The following MOV10 variants were observed in gnomAD, a reference collection of about 807,000 sequenced individuals.
MOV10 encodes RNA helicase MOV-10.
Under a neutral mutation model 108.4 loss-of-function variants are expected in MOV10, and 39 were observed. The ratio of observed to expected loss-of-function variants is 0.36; its 90% CI spans 0.28 to 0.47. The LOEUF is 0.47. Ranked by LOEUF, MOV10 falls within the 20% of genes least tolerant of loss-of-function variation. MOV10 has a pLI of 1.00. For missense variants in MOV10, 952 were observed against 1,297.6 expected (o/e 0.73, Z 4.09); for synonymous variants, 490 against 523.1 (o/e 0.94, Z 0.86).
At position 112,690,061 on chromosome 1, in the gene MOV10, G is replaced by T; in HGVS notation, c.799G>T (p.Val267Leu). 1 of 1,614,024 alleles carries T rather than the reference G, an allele frequency of 6.2e-7. No individual in the cohort carries two copies. Among genetic ancestry groups the T allele is most frequent in the Non-Finnish European group, 8.5e-7 (1 of 1,180,036 alleles). ...KRTRITGNPVVTNRIEEGERP... is the reference protein window; with the variant it reads ...KRTRITGNPVLTNRIEEGERP... ...GACCCGGATCACCGGAAACCCTGTG[G>T]TGACCAATCGGATAGAGGAAGGAGA... Residue 267 changes from valine to leucine, a missense_variant, in exon 5 of 21, where the codon GTG becomes TTG. Physicochemically the swap from Val to Leu is conservative, Grantham distance 32 (BLOSUM62 1). Around this residue, in one of 5 missense-constraint regions of MOV10, gnomAD observed 374 missense variants for 468.6 expected, o/e 0.80. Coordinates refer to ENST00000369645, the MANE Select transcript of MOV10 (RefSeq NM_001321324.2).
In MOV10 at chr1:112,674,935, G is replaced by C. The variant is rs201021656; in HGVS notation, c.23G>C (p.Arg8Pro). The change falls in exon 2 of 21, where the codon CGG (arginine) becomes CCG (proline). Residue 8 changes from arginine to proline, a missense_variant. Arg to Pro is a moderately radical substitution (Grantham distance 103). Transcript: ENST00000369645. ...GCGATGCCCAGTAAGTTCAGCTGCC[G>C]GCAGCTCCGGGAGGCGGGCCAGTGT... MPSKFSC[R>P]QLREAGQCFE... 77 of 1,583,642 alleles carry C rather than the reference G, an allele frequency of 4.9e-5. 1 individual carries two copies. In the South Asian group the frequency reaches 7.5e-4, roughly 15 times the overall value.
Position 112,700,401 on chromosome 1 carries a change from T to C in MOV10, c.2921-15T>C, listed in dbSNP as rs1476712027. On this transcript the variant is annotated splice_polypyrimidine_tract_variant and intron_variant, in intron 20 of 20. Transcript: ENST00000369645. Reference sequence around the variant, plus strand: ...AGGTGGTAAGGAAGACACAGTGTACTTTCTCTCTTTCCAGGGCCCCACAGC... The same window carrying C: ...AGGTGGTAAGGAAGACACAGTGTACCTTCTCTCTTTCCAGGGCCCCACAGC... 6.2e-7 allele frequency: 1 copy of C among 1,613,624 alleles called. No individual in the cohort carries two copies. Among genetic ancestry groups the C allele is most frequent in the Non-Finnish European group, 8.5e-7 (1 of 1,179,726 alleles).
At position 112,688,577 on chromosome 1, in the gene MOV10, C is replaced by G. The variant is rs1048145172; in HGVS notation, c.138-358C>G. On this transcript the variant is annotated intron_variant, in intron 2 of 20. Transcript: ENST00000369645. ...CTTTCTTCTGGGTTGTTTGTATTTT[C>G]TTTTCTGTCCCAAACAGTTTCCCCC... 6.9e-6 allele frequency: 8 copies of G among 1,160,906 alleles called. No homozygotes were observed. The African/African-American group carries it at 1.3e-4, about 18-fold the overall frequency. 71.9% of individuals were successfully genotyped at this position (1,160,906 alleles called of 1,614,324 possible). A position where few individuals can be genotyped will look rare whatever the true frequency, so the allele number is the denominator to read the frequency against.
chr1:112,679,820 G>T (rs1327212418), intron 2 of MOV10, among the ~76,000 whole-genome samples: 1 of 152,094 alleles, frequency 6.6e-6, no homozygotes, highest in African/African-American at 2.4e-5. Context: ...TCTGATGTTA[G>T]AGCTTTGGGA....
At position 112,689,668 on chromosome 1, in the gene MOV10, G is replaced by A. The variant is rs1673402694; in HGVS notation, c.577+18G>A. 2 of 1,611,122 alleles carry A rather than the reference G, an allele frequency of 1.2e-6. No individual in the cohort carries two copies. Among genetic ancestry groups the A allele is most frequent in the South Asian group, 2.2e-5 (2 of 91,012 alleles). ...GGGCCCCGGTGAGTGAGTTTCCAAA[G>A]GAAAGAGCTGGTGGACAGGGGCTTG... On this transcript the variant is annotated intron_variant, in intron 4 of 20. Transcript: ENST00000369645.
chr1:112,687,417 A>C (rs1348062033), intron 2 of MOV10, among the ~76,000 whole-genome samples: 1 of 152,214 alleles, frequency 6.6e-6, no homozygotes, highest in East Asian at 1.9e-4. Flanking sequence ...GTTAAATAGG[A>C]ATTACCATAG....
intron 2 of MOV10, 199 bp from the exon 3 acceptor site, chr1:112,688,736 T>G: frequency 1.4e-6 from 2 of 1,434,854 alleles, no homozygotes; most frequent in Non-Finnish European, 1.8e-6. Flanking sequence ...CCTTGGGAAG[T>G]CCCATTGCCT....
chr1:112,696,428 A>G lies in MOV10; in HGVS notation c.1884-9A>G, dbSNP rs915131547. ...GGATATGACCCCTGCCTGGCCTGAC[A>G]CCTCCCAGGTTGGTCTCGGCCCAGT... On this transcript the variant is annotated splice_polypyrimidine_tract_variant and intron_variant, in intron 12 of 20. Transcript: ENST00000369645. The G allele has an allele frequency of 1.2e-6, 2 of 1,607,588 alleles. No homozygotes were observed. Among genetic ancestry groups the G allele is most frequent in the Admixed American group, 1.7e-5 (1 of 59,978 alleles).
At chr1:112,687,087 G>A (rs1014274951) in intron 2 of MOV10, 2 of 454,080 alleles carry the variant, frequency 4.4e-6, no homozygotes, top group East Asian at 7.0e-5. Context: ...CCACAGTGTA[G>A]CCTCTGACGT....
chr1:112,694,525 C>A lies in MOV10; in HGVS notation c.1368C>A (p.Val456=). ...CCTTCAACCGCCAGCCGCTGCGAGTCCAGCACCGTGCCCTGGAGCTGACAG... is the reference window on the plus strand; with the variant it reads ...CCTTCAACCGCCAGCCGCTGCGAGTACAGCACCGTGCCCTGGAGCTGACAG... The part of the protein sequence containing the change: ...NFTFNRQPLR[V]QHRALELTGR... Residue 456 remains valine (V), a synonymous_variant, in exon 9 of 21, where the codon GTC becomes GTA. Coordinates refer to ENST00000369645, the MANE Select transcript of MOV10 (RefSeq NM_001321324.2). The surrounding 1 kb of genome is among the most constrained non-coding windows in gnomAD (Gnocchi z 4.1). 1.2e-6 allele frequency: 2 copies of A among 1,614,158 alleles called. No homozygotes were observed. Among genetic ancestry groups the A allele is most frequent in the Non-Finnish European group, 1.7e-6 (2 of 1,180,030 alleles).
intron 2 of MOV10, among the ~76,000 whole-genome samples, chr1:112,679,827 G>T (rs886735900): frequency 1.3e-5 from 2 of 152,048 alleles, no homozygotes; most frequent in African/African-American, 4.8e-5. Context: ...TTAGAGCTTT[G>T]GGAAAAGGGC....
chr1:112,694,671 T>C lies in MOV10; in HGVS notation c.1472+42T>C, dbSNP rs1284660299. 6.3e-7 allele frequency: 1 copy of C among 1,591,974 alleles called. No individual in the cohort carries two copies. The highest frequency in any genetic ancestry group is 1.1e-5 in the South Asian group (1 of 87,576). On this transcript the variant is annotated intron_variant, in intron 9 of 20. Coordinates refer to ENST00000369645, the MANE Select transcript of MOV10 (RefSeq NM_001321324.2). The surrounding 1 kb of genome is among the most constrained non-coding windows in gnomAD (Gnocchi z 4.1). ...GGAGCTTCTGGAGCCACTTGGAGTGTGGGCACAGGGGGTGGAGTCAGGGAG... is the reference window on the plus strand; with the variant it reads ...GGAGCTTCTGGAGCCACTTGGAGTGCGGGCACAGGGGGTGGAGTCAGGGAG...
chr1:112,682,946 G>C (rs1209200067), intron 2 of MOV10, among the ~76,000 whole-genome samples: 2 of 144,272 alleles, frequency 1.4e-5, no homozygotes, highest in African/African-American at 5.1e-5. Context: ...TTGAGACGGA[G>C]TCTTGCTCTG....
intron 2 of MOV10, 144 bp from the exon 3 acceptor site, chr1:112,688,790 TC>T: frequency 6.7e-7 from 1 of 1,481,776 alleles, no homozygotes; most frequent in African/African-American, 1.4e-5. Context: ...AGCCTGAGTC[TC>T]TCTGTCTCTG....
At chr1:112,679,702 TAAAA>T (rs1379416963) in intron 2 of MOV10, among the ~76,000 whole-genome samples, 2 of 151,960 alleles carry the variant, frequency 1.3e-5, no homozygotes, top group Non-Finnish European at 2.9e-5. Flanking sequence ...AAATGACTAA[TAAAA>T]GAAGGAAAGA....
At chr1:112,689,377 T>TGCCCC in intron 3 of MOV10, 38 bp from the exon 4 acceptor site, 3 of 792,814 alleles carry the variant, frequency 3.8e-6, no homozygotes, top group African/African-American at 1.7e-5. Context: ...GTCAGACCGC[T>TGCCCC]CCCACCCCAA....
At chr1:112,692,961 G>C in intron 7 of MOV10, 32 bp downstream of exon 7, 1 of 1,581,388 alleles carries the variant, frequency 6.3e-7, no homozygotes. Flanking sequence ...GAGGAGGGTG[G>C]GCTCAAGCCA....
intron 17 of MOV10, chr1:112,699,048 G>A (rs1674376896): frequency 2.1e-6 from 1 of 480,830 alleles, no homozygotes. Flanking sequence ...TCTGCCCTAA[G>A]GATAAAGTCC....
intron 2 of MOV10, among the ~76,000 whole-genome samples, chr1:112,679,269 T>C (rs962904113): frequency 3.3e-5 from 5 of 152,020 alleles, no homozygotes; most frequent in African/African-American, 4.8e-5. Context: ...AGGGGCACAG[T>C]GATACAAGTA....
Sources: gnomAD v4.1 joint callset for allele counts (sites outside exome capture counted in the v4.1 genomes callset) on GRCh38, gnomAD v4.1.1 for gene constraint, gnomAD v4.1.1 regional missense constraint, Gnocchi (gnomAD v3.1) non-coding constraint, MANE v1.5 for transcripts, NCBI Gene and HGNC (gene_info 2026-07-23, HGNC 2026-07-21) for gene names.